The following ANXA8 variants were observed in gnomAD, a reference collection of about 807,000 sequenced individuals.
ANXA8 encodes the protein annexin A8, also known as VAC-beta.
Under a neutral mutation model 26.8 loss-of-function variants are expected in ANXA8, and 9 were observed. The observed-to-expected ratio is 0.34, with a 90% CI of 0.20 to 0.59. The LOEUF (loss-of-function observed/expected upper bound fraction) is 0.59, where lower values mean the gene tolerates loss of function less well. Ranked by LOEUF, ANXA8 falls within the 20% of genes least tolerant of loss-of-function variation. The probability of loss-of-function intolerance (pLI) is 0.84; values close to 1 mark genes in which losing one functional copy is unlikely to be tolerated. For synonymous variants in ANXA8, 39 were observed against 94.8 expected, an observed-to-expected ratio of 0.41 and a Z score of 3.42; for missense variants, 83 against 238.5, an observed-to-expected ratio of 0.35 and a Z score of 4.29.
At chr10:47,624,538 TG>T in the ANXA8 span, among the ~76,000 whole-genome samples, 1 of 91,904 alleles carries the variant, frequency 1.1e-5, no homozygotes, top group African/African-American at 3.8e-5. Flanking sequence ...TATTTTCTGC[TG>T]TGTCTCTAGA....
At chr10:47,769,835 A>G in the ANXA8 span, among the ~76,000 whole-genome samples, 1 of 152,286 alleles carries the variant, frequency 6.6e-6, no homozygotes, top group Non-Finnish European at 1.5e-5. Flanking sequence ...GACTGTTTAT[A>G]TTGCTTATAA....
chr10:47,709,080 A>AT, the ANXA8 span, among the ~76,000 whole-genome samples: 5 of 144,174 alleles, frequency 3.5e-5, no homozygotes, highest in Admixed American at 7.0e-5. Flanking sequence ...TGTGGTTTTA[A>AT]TTTTTTCTTT....
chr10:47,776,797 A>G, the ANXA8 span, among the ~76,000 whole-genome samples: 1 of 151,874 alleles, frequency 6.6e-6, no homozygotes, highest in African/African-American at 2.4e-5. Context: ...ACTTCAAATA[A>G]GATTGGCTTA....
At chr10:47,625,868 T>C in the ANXA8 span, among the ~76,000 whole-genome samples, 1 of 150,922 alleles carries the variant, frequency 6.6e-6, no homozygotes, top group Non-Finnish European at 1.5e-5. Context: ...GACCGACATC[T>C]CTGCAATTTC....
At chr10:47,743,007 A>C in the ANXA8 span, among the ~76,000 whole-genome samples, 1 of 142,412 alleles carries the variant, frequency 7.0e-6, no homozygotes, top group Middle Eastern at 3.6e-3. Flanking sequence ...AAAAAAAAAA[A>C]AAAAATACAA....
At chr10:47,712,928 G>A in the ANXA8 span, among the ~76,000 whole-genome samples, 1 of 150,594 alleles carries the variant, frequency 6.6e-6, no homozygotes, top group Non-Finnish European at 1.5e-5. Context: ...CAAGTAACTG[G>A]AATTACAGGC....
chr10:47,469,976 T>C (rs1839274283), intron 11 of ANXA8, among the ~76,000 whole-genome samples: 1 of 151,600 alleles, frequency 6.6e-6, no homozygotes, highest in Admixed American at 6.6e-5. Flanking sequence ...ACTCCTGGGC[T>C]CAAGCGATCC....
At chr10:47,587,867 C>A in the ANXA8 span, among the ~76,000 whole-genome samples, 1 of 146,142 alleles carries the variant, frequency 6.8e-6, no homozygotes, top group African/African-American at 2.8e-5. Context: ...TGTCCAACAG[C>A]GATTGGCCAC....
the ANXA8 span, among the ~76,000 whole-genome samples, chr10:47,595,116 T>A: frequency 1.2e-4 from 18 of 148,258 alleles, 2 homozygotes; most frequent in African/African-American, 4.5e-4. Flanking sequence ...CTATTTTTAG[T>A]ACTCTAAAAG....
the ANXA8 span, among the ~76,000 whole-genome samples, chr10:47,650,267 G>T: frequency 6.8e-6 from 1 of 146,392 alleles, no homozygotes; most frequent in Non-Finnish European, 1.5e-5. Flanking sequence ...GACTGGTCTT[G>T]AATTCCTGGG....
At chr10:47,769,353 A>C in the ANXA8 span, among the ~76,000 whole-genome samples, 1 of 149,790 alleles carries the variant, frequency 6.7e-6, no homozygotes, top group African/African-American at 2.5e-5. Context: ...GGGCAGTGAG[A>C]GAGGAGAGAG....
the ANXA8 span, among the ~76,000 whole-genome samples, chr10:47,626,977 G>A: frequency 1.9e-4 from 29 of 149,534 alleles, no homozygotes; most frequent in Admixed American, 2.6e-4. Context: ...CGTAGTGTAC[G>A]TGATTAAGAA....
the ANXA8 span, among the ~76,000 whole-genome samples, chr10:47,645,839 A>C: frequency 6.7e-6 from 1 of 149,442 alleles, no homozygotes; most frequent in Non-Finnish European, 1.5e-5. Flanking sequence ...GGGCGAATTT[A>C]ATCTGTCTTC....
At chr10:47,767,416 C>CA in the ANXA8 span, among the ~76,000 whole-genome samples, 2 of 152,272 alleles carry the variant, frequency 1.3e-5, no homozygotes, top group Non-Finnish European at 2.9e-5. Flanking sequence ...CTCCGACTGG[C>CA]AGGGTGGGCT....
At chr10:47,673,044 G>C in the ANXA8 span, among the ~76,000 whole-genome samples, 1 of 149,648 alleles carries the variant, frequency 6.7e-6, no homozygotes, top group African/African-American at 2.5e-5. Context: ...GAGGGGAAAG[G>C]AGAAACCAGC....
the ANXA8 span, among the ~76,000 whole-genome samples, chr10:47,895,327 G>A: frequency 6.6e-6 from 1 of 152,104 alleles, no homozygotes; most frequent in Non-Finnish European, 1.5e-5. Flanking sequence ...TCCATGCCCT[G>A]TGTGATAGCA....
At chr10:47,736,952 G>A in the ANXA8 span, among the ~76,000 whole-genome samples, 1 of 151,832 alleles carries the variant, frequency 6.6e-6, no homozygotes, top group Non-Finnish European at 1.5e-5. Flanking sequence ...ACTGCGCCCA[G>A]CCTTAATTGA....
chr10:47,559,491 T>A, the ANXA8 span, among the ~76,000 whole-genome samples: 1 of 151,884 alleles, frequency 6.6e-6, no homozygotes, highest in South Asian at 2.1e-4. Context: ...GACAGTATAT[T>A]TTTGATAGTT....
the ANXA8 span, among the ~76,000 whole-genome samples, chr10:47,952,842 T>C: frequency 1.5e-4 from 23 of 149,216 alleles, 1 homozygote; most frequent in South Asian, 3.1e-3. Flanking sequence ...ACATAATATG[T>C]TGATTCCTAA....
Sources: allele counts gnomAD v4.1 joint callset (sites outside exome capture counted in the v4.1 genomes callset), GRCh38; gene constraint gnomAD v4.1.1; transcripts MANE v1.5; gene names NCBI Gene and HGNC (gene_info 2026-07-23, HGNC 2026-07-21).